TMEM163: variants seen among roughly 807,000 people sequenced by gnomAD.
TMEM163 encodes the protein transmembrane protein 163.
Under a neutral mutation model 29.3 loss-of-function variants are expected in TMEM163, and 17 were observed. That is an observed-to-expected ratio of 0.58 (90% CI 0.40 to 0.87). The LOEUF is 0.87. Ranked by LOEUF, TMEM163 falls within the 40% of genes least tolerant of loss-of-function variation. The pLI is 0.00. For synonymous variants in TMEM163, 157 were observed against 160.6 expected (o/e 0.98, Z 0.17); for missense variants, 303 against 381.5 (o/e 0.79, Z 1.71).
intron 2 of TMEM163, among the ~76,000 whole-genome samples, chr2:134,624,829 A>T (rs1254250303): frequency 6.6e-6 from 1 of 152,018 alleles, no homozygotes; most frequent in Admixed American, 6.6e-5. Context: ...GAATTACTTG[A>T]ACCCAAGGAG....
rs1054558617 is a variant in TMEM163, at chr2:134,466,246, T to G, written c.556-21A>C. 1.9e-6 allele frequency: 3 copies of G among 1,594,634 alleles called. No homozygotes were observed. The African/African-American group carries it at 4.0e-5, about 21-fold the overall frequency. ...TCGTCCTGCAAGAGAAAGTTCCAGATTTCAACAGTTCACCTCCTGCTGGAG... is the reference window on the plus strand; with the variant it reads ...TCGTCCTGCAAGAGAAAGTTCCAGAGTTCAACAGTTCACCTCCTGCTGGAG... On this transcript the variant is annotated intron_variant, in intron 5 of 7. Transcript: ENST00000281924.
intron 5 of TMEM163, among the ~76,000 whole-genome samples, chr2:134,470,482 C>A (rs1400696676): frequency 6.6e-6 from 1 of 152,088 alleles, no homozygotes; most frequent in Non-Finnish European, 1.5e-5. Flanking sequence ...ATGCAAAATG[C>A]AGGCTTTTTC....
At chr2:134,535,278 A>T (rs1250593659) in intron 4 of TMEM163, among the ~76,000 whole-genome samples, 1 of 152,208 alleles carries the variant, frequency 6.6e-6, no homozygotes, top group Non-Finnish European at 1.5e-5. Context: ...AAACACACAC[A>T]CACACAGAGC....
intron 4 of TMEM163, among the ~76,000 whole-genome samples, chr2:134,524,849 T>C (rs751521593): frequency 3.3e-5 from 5 of 150,522 alleles, no homozygotes; most frequent in Non-Finnish European, 7.4e-5. Flanking sequence ...TGTATGTTTA[T>C]AATAGAATGA....
chr2:134,486,032 T>C (rs550922796), intron 5 of TMEM163, among the ~76,000 whole-genome samples: 14 of 152,258 alleles, frequency 9.2e-5, no homozygotes, highest in Non-Finnish European at 1.6e-4. Context: ...GATTTATAAC[T>C]ATCAGGGCTC....
rs185063456 is a variant in TMEM163, at chr2:134,604,090, C to A, written c.323-51999G>T. 7.8e-4 allele frequency among the ~76,000 whole-genome samples: 119 copies of A among 152,222 alleles called. 1 individual carries two copies. Among genetic ancestry groups the A allele is most frequent in the African/African-American group, 2.8e-3 (116 of 41,528 alleles). On this transcript the variant is annotated intron_variant, in intron 2 of 7. Coordinates refer to ENST00000281924, the MANE Select transcript of TMEM163 (RefSeq NM_030923.5). The stretch of plus-strand genomic sequence containing the variant: ...AAGGAGTGAAGTTGTTTAGCTCCAA[C>A]GTAACTCCTTTTCCTTCACTCCGCT...
chr2:134,711,836 C>G (rs1684933482), intron 2 of TMEM163, among the ~76,000 whole-genome samples: 1 of 152,236 alleles, frequency 6.6e-6, no homozygotes, highest in Non-Finnish European at 1.5e-5. Context: ...CTTTATCAGG[C>G]ACATGGACAC....
intron 3 of TMEM163, among the ~76,000 whole-genome samples, chr2:134,551,044 G>A (rs1050306056): frequency 3.9e-5 from 6 of 152,170 alleles, no homozygotes; most frequent in South Asian, 2.1e-4. Context: ...GACTCTCAAC[G>A]GGACTATTCT....
chr2:134,536,071 C>T (rs1419766952), intron 4 of TMEM163, among the ~76,000 whole-genome samples: 1 of 152,072 alleles, frequency 6.6e-6, no homozygotes, highest in Non-Finnish European at 1.5e-5. Context: ...AGACGGAGGG[C>T]GCACGCGTAT....
intron 2 of TMEM163, among the ~76,000 whole-genome samples, chr2:134,593,354 G>A (rs1261056137): frequency 6.6e-6 from 1 of 152,140 alleles, no homozygotes; most frequent in Admixed American, 6.5e-5. Flanking sequence ...CAGCTACATG[G>A]ACCCCAGACA....
chr2:134,476,509 T>G (rs774933676), intron 5 of TMEM163, among the ~76,000 whole-genome samples: 1 of 152,220 alleles, frequency 6.6e-6, no homozygotes, highest in Non-Finnish European at 1.5e-5. Context: ...ACTATTTATC[T>G]CAGGGATTCT....
chr2:134,661,037 A>T lies in TMEM163; in HGVS notation c.322+52163T>A, dbSNP rs549225778. 8.5e-5 allele frequency among the ~76,000 whole-genome samples: 13 copies of T among 152,294 alleles called. No homozygotes were observed. In the East Asian group the frequency reaches 2.3e-3, roughly 27 times the overall value. On this transcript the variant is annotated intron_variant, in intron 2 of 7. Coordinates refer to ENST00000281924, the MANE Select transcript of TMEM163 (RefSeq NM_030923.5). ...ATTAATGGATTGATGCTGTCACTGC[A>T]GGATTAGGGTCCTTATTGCAGGAGT...
intron 2 of TMEM163, among the ~76,000 whole-genome samples, chr2:134,584,257 C>A (rs544870118): frequency 4.3e-4 from 65 of 152,276 alleles, no homozygotes; most frequent in African/African-American, 1.4e-3. Context: ...CAATGAAAAA[C>A]CTTGAAATGA....
At chr2:134,571,785 G>A (rs1028144090) in intron 2 of TMEM163, among the ~76,000 whole-genome samples, 3 of 152,212 alleles carry the variant, frequency 2.0e-5, no homozygotes, top group Non-Finnish European at 4.4e-5. Context: ...CAGGTGCAAA[G>A]TGTTGTGTAC....
At chr2:134,549,235 TAA>T (rs1680856030) in intron 4 of TMEM163, among the ~76,000 whole-genome samples, 2 of 152,256 alleles carry the variant, frequency 1.3e-5, no homozygotes, top group African/African-American at 2.4e-5. Flanking sequence ...TGTCATCTTT[TAA>T]AAGTTTTCCA....
chr2:134,473,426 A>G (rs567351218), intron 5 of TMEM163, among the ~76,000 whole-genome samples: 87 of 151,750 alleles, frequency 5.7e-4, no homozygotes, highest in Non-Finnish European at 1.1e-3. Flanking sequence ...TCCCAGCTAC[A>G]TGAGAGGCTG....
In TMEM163 at chr2:134,596,090, T is replaced by G. The variant is rs1278558370; in HGVS notation, c.323-43999A>C. Among the ~76,000 whole-genome samples, 5 of 152,370 alleles carry G rather than the reference T, an allele frequency of 3.3e-5. No homozygotes were observed. The East Asian group carries it at 9.6e-4, about 29-fold the overall frequency. On this transcript the variant is annotated intron_variant, in intron 2 of 7. Transcript: ENST00000281924. Reference sequence around the variant, plus strand: ...CGGTTCACTCTGATGGTAGTTTCTTTTGCTGCGCAGAAGCTCTTTAGTTTA... The same window carrying G: ...CGGTTCACTCTGATGGTAGTTTCTTGTGCTGCGCAGAAGCTCTTTAGTTTA...
intron 5 of TMEM163, among the ~76,000 whole-genome samples, chr2:134,484,762 A>T (rs1460077485): frequency 6.6e-6 from 1 of 152,210 alleles, no homozygotes; most frequent in African/African-American, 2.4e-5. Context: ...TACTGGGAAG[A>T]GGGGTAATTT....
intron 2 of TMEM163, among the ~76,000 whole-genome samples, chr2:134,665,463 C>T (rs1371793118): frequency 1.3e-5 from 2 of 152,178 alleles, no homozygotes; most frequent in South Asian, 2.1e-4. Flanking sequence ...CCTCCCATGA[C>T]ACCTGGGGAT....
Sources: allele counts gnomAD v4.1 joint callset (sites outside exome capture counted in the v4.1 genomes callset), GRCh38; gene constraint gnomAD v4.1.1; transcripts MANE v1.5; gene names NCBI Gene and HGNC (gene_info 2026-07-23, HGNC 2026-07-21).